Variants in MLLT10 observed in about 807,000 individuals in gnomAD.
MLLT10 encodes the protein protein AF-10.
MLLT10 carries 30 observed loss-of-function variants against 129.1 expected under a neutral mutation model. The ratio of observed to expected loss-of-function variants is 0.23; its 90% CI spans 0.17 to 0.32. The LOEUF (loss-of-function observed/expected upper bound fraction) is 0.32, where lower values mean the gene tolerates loss of function less well. Among genes scored for constraint, MLLT10 ranks in the 10% least tolerant of loss-of-function variants. The probability of loss-of-function intolerance (pLI) is 1.00; values close to 1 mark genes in which losing one functional copy is unlikely to be tolerated. For missense variants in MLLT10, 1,119 were observed against 1,268.3 expected (o/e 0.88, Z 1.79); for synonymous variants, 490 against 446.4 (o/e 1.10, Z -1.23).
rs898739321 is a variant in MLLT10 at position 21,653,501 on chromosome 10, A to G, written c.795+1733A>G. ...TCTTACACTTGGAATTTTTTTTTGC[A>G]TCTCTTTTGCTTTTAGTTGGAGAAA... is the stretch of plus-strand genomic sequence containing the variant. On this transcript the variant is annotated intron_variant, in intron 9 of 22. Transcript: ENST00000307729. Among the ~76,000 whole-genome samples, 10 of 152,024 alleles carry G rather than the reference A, an allele frequency of 6.6e-5. No homozygotes were observed. The South Asian group carries it at 2.1e-3, about 32-fold the overall frequency.
At chr10:21,534,168 G>C (rs1037341700), upstream of MLLT10, 1 of 382,578 alleles carries the variant, frequency 2.6e-6, no homozygotes, top group Non-Finnish European at 4.6e-6. Context: ...AACAGGCCGC[G>C]GCAGCGCGCA....
At chr10:21,610,011 T>A (rs572441464) in intron 5 of MLLT10, among the ~76,000 whole-genome samples, 1 of 152,278 alleles carries the variant, frequency 6.6e-6, no homozygotes, top group African/African-American at 2.4e-5. Context: ...ATTCTTTGGT[T>A]CTTACAGTCC....
intron 13 of MLLT10, among the ~76,000 whole-genome samples, chr10:21,684,750 C>T (rs1406669602): frequency 6.6e-6 from 1 of 152,166 alleles, no homozygotes; most frequent in Non-Finnish European, 1.5e-5. Flanking sequence ...ATTTATACTC[C>T]TTCACATGGC....
intron 9 of MLLT10, among the ~76,000 whole-genome samples, chr10:21,665,755 G>T (rs1185263255): frequency 6.6e-6 from 1 of 151,726 alleles, no homozygotes; most frequent in Non-Finnish European, 1.5e-5. Flanking sequence ...TTGGAACAGG[G>T]TCTTGCTCTG....
chr10:21,673,318 CTTTT>C (rs397719980), intron 10 of MLLT10, 28 bp from the exon 11 acceptor site: 2,366 of 306,008 alleles, frequency 7.7e-3, no homozygotes, highest in Middle Eastern at 0.012. Flanking sequence ...CACCCCCCAA[CTTTT>C]TTTTTTTTTT....
intron 14 of MLLT10, among the ~76,000 whole-genome samples, chr10:21,717,519 A>C (rs371469963): frequency 2.3e-4 from 17 of 75,210 alleles, no homozygotes; most frequent in African/African-American, 2.9e-4. Context: ...CTCCTCCACC[A>C]CCTCCTCCTC....
chr10:21,724,517 G>A (rs545772249), intron 14 of MLLT10, among the ~76,000 whole-genome samples: 10 of 152,252 alleles, frequency 6.6e-5, no homozygotes, highest in East Asian at 3.9e-4. Context: ...GTTCTTTGCC[G>A]ATATTTTCAA....
chr10:21,549,719 T>TG (rs2036674990), intron 3 of MLLT10, among the ~76,000 whole-genome samples: 1 of 148,816 alleles, frequency 6.7e-6, no homozygotes, highest in African/African-American at 2.5e-5. Context: ...TGGAATGCAG[T>TG]GGCCGCGATC....
chr10:21,595,059 T>A (rs10828256), intron 4 of MLLT10, among the ~76,000 whole-genome samples: 34,395 of 152,126 alleles, frequency 0.23, 4,938 homozygotes, highest in Middle Eastern at 0.45. Flanking sequence ...TCTGCCTGTA[T>A]AAGAAGTGTT....
At chr10:21,736,876 C>T (rs983048195) in intron 21 of MLLT10, among the ~76,000 whole-genome samples, 6 of 152,062 alleles carry the variant, frequency 3.9e-5, no homozygotes, top group South Asian at 4.2e-4. Flanking sequence ...AGATTTGATG[C>T]GGACTCCTAG....
In MLLT10 at chr10:21,742,188, CTACCCCT is replaced by C. The variant is rs1833764518; in HGVS notation, c.*212_*218del. 2 of 458,372 alleles carry C rather than the reference CTACCCCT, an allele frequency of 4.4e-6. No individual in the cohort carries two copies. The highest frequency in any genetic ancestry group is 6.7e-5 in the East Asian group (2 of 29,878). 28.4% of individuals were successfully genotyped at this position (458,372 alleles called of 1,614,324 possible). A position where few individuals can be genotyped will look rare whatever the true frequency, so the allele number is the denominator to read the frequency against. On this transcript the variant is annotated 3_prime_UTR_variant, in exon 23 of 23. Transcript: ENST00000307729. ...GCACTGAAATGGAATTCCCATGCCCCTACCCCTTACCCCAGTTTTTTGAACATGGAAA... is the reference window on the plus strand; with the variant it reads ...GCACTGAAATGGAATTCCCATGCCCCTACCCCAGTTTTTTGAACATGGAAA...
chr10:21,706,514 T>G (rs2055516333), intron 13 of MLLT10, among the ~76,000 whole-genome samples: 1 of 152,242 alleles, frequency 6.6e-6, no homozygotes, highest in Non-Finnish European at 1.5e-5. Flanking sequence ...TAGGAAAGAA[T>G]AAGTCATTCA....
rs1289557738 is a variant in MLLT10, at chr10:21,673,347, C to T, written c.1052-3C>T. 28 of 399,190 alleles carry T rather than the reference C, an allele frequency of 7.0e-5. No individual in the cohort carries two copies. The highest frequency in any genetic ancestry group is 1.0e-4 in the Non-Finnish European group (28 of 278,022). The allele number at this position is 399,190 out of a possible 1,614,324, so 24.7% of individuals were successfully genotyped here. On this transcript the variant is annotated splice_polypyrimidine_tract_variant and splice_region_variant and intron_variant, in intron 10 of 22. Coordinates refer to ENST00000307729, the MANE Select transcript of MLLT10 (RefSeq NM_001195626.3). Reference sequence around the variant, plus strand: ...TTTTTTTTTTTTTTTTTTTAAACTACAGGCAGTTTTTCAGGAACTCCAGGC... The same window carrying T: ...TTTTTTTTTTTTTTTTTTTAAACTATAGGCAGTTTTTCAGGAACTCCAGGC...
intron 3 of MLLT10, chr10:21,556,565 TG>T: frequency 1.8e-6 from 2 of 1,120,796 alleles, no homozygotes; most frequent in Non-Finnish European, 2.5e-6. Context: ...AATTAAGCTT[TG>T]CAGTTTTCTA....
chr10:21,600,616 G>A (rs892405663), intron 5 of MLLT10, among the ~76,000 whole-genome samples: 1 of 152,080 alleles, frequency 6.6e-6, no homozygotes, highest in Admixed American at 6.6e-5. Context: ...TCTAATAAAT[G>A]TTTATTTTTG....
At chr10:21,738,211 G>A (rs1412500209) in intron 21 of MLLT10, among the ~76,000 whole-genome samples, 1 of 151,870 alleles carries the variant, frequency 6.6e-6, no homozygotes, top group African/African-American at 2.4e-5. Context: ...AGGTTGCAGT[G>A]AGCCGAGAGC....
intron 3 of MLLT10, among the ~76,000 whole-genome samples, chr10:21,554,908 A>T (rs545947165): frequency 1.9e-4 from 28 of 149,280 alleles, no homozygotes; most frequent in African/African-American, 6.9e-4. Context: ...TGCAACCCCT[A>T]CCACCCGGGT....
chr10:21,671,850 G>A (rs935280353), intron 10 of MLLT10, among the ~76,000 whole-genome samples: 3 of 152,070 alleles, frequency 2.0e-5, no homozygotes, highest in Non-Finnish European at 2.9e-5. Context: ...CTCCTCAGGA[G>A]GCTACAGTGC....
intron 1 of MLLT10, 49 bp from the exon 2 acceptor site, chr10:21,534,596 C>G (rs7477921): frequency 3.2e-6 from 5 of 1,573,168 alleles, no homozygotes; most frequent in East Asian, 2.4e-5. Context: ...GGGGGAAGCA[C>G]TAATCGGCTT....
Sources: allele counts gnomAD v4.1 joint callset (sites outside exome capture counted in the v4.1 genomes callset), GRCh38; gene constraint gnomAD v4.1.1; transcripts MANE v1.5; gene names NCBI Gene and HGNC (gene_info 2026-07-23, HGNC 2026-07-21).